ANXA7: variants seen among roughly 807,000 people sequenced by gnomAD.
ANXA7 encodes the protein annexin A7.
Under a neutral mutation model 64.9 loss-of-function variants are expected in ANXA7, and 55 were observed. The ratio of observed to expected loss-of-function variants is 0.85; its 90% CI spans 0.68 to 1.06. The LOEUF (loss-of-function observed/expected upper bound fraction) is 1.06, where lower values mean the gene tolerates loss of function less well. Ranked by LOEUF, ANXA7 falls within the 50% of genes least tolerant of loss-of-function variation. ANXA7 has a pLI of 0.00. For missense variants in ANXA7, 548 were observed against 582.1 expected (o/e 0.94, Z 0.60); for synonymous variants, 200 against 192.4 (o/e 1.04, Z -0.33).
chr10:73,385,531 A>C (rs2055353489), intron 7 of ANXA7, among the ~76,000 whole-genome samples: 1 of 152,218 alleles, frequency 6.6e-6, no homozygotes, highest in African/African-American at 2.4e-5. Context: ...CCTATGATAA[A>C]AGAAAAACAT....
intron 5 of ANXA7, among the ~76,000 whole-genome samples, chr10:73,393,248 AG>A (rs1589655779): frequency 2.0e-5 from 3 of 152,366 alleles, no homozygotes; most frequent in East Asian, 3.9e-4. Flanking sequence ...GCTCATGGAT[AG>A]GAAGAATCAA....
chr10:73,383,962 A>C (rs2055317718), intron 7 of ANXA7, among the ~76,000 whole-genome samples: 1 of 152,000 alleles, frequency 6.6e-6, no homozygotes. Flanking sequence ...TCTACTAAAA[A>C]CACAAAAAAT....
intron 1 of ANXA7, chr10:73,408,180 T>C (rs1053350547): frequency 1.3e-5 from 2 of 151,930 alleles, no homozygotes; most frequent in Non-Finnish European, 2.9e-5. Flanking sequence ...AATTACCCAG[T>C]GCAGCGGCGC....
At chr10:73,388,142 C>T (rs1282853508) in intron 6 of ANXA7, among the ~76,000 whole-genome samples, 170 bp downstream of exon 6, 1 of 152,104 alleles carries the variant, frequency 6.6e-6, no homozygotes, top group Non-Finnish European at 1.5e-5. Flanking sequence ...CCACCACACC[C>T]AGCCTGAGGT....
intron 12 of ANXA7, 66 bp downstream of exon 12, chr10:73,378,845 G>A (rs1271881689): frequency 1.5e-5 from 18 of 1,214,866 alleles, no homozygotes. Flanking sequence ...ACCAACTGGG[G>A]AACTTTTAAG....
At chr10:73,386,392 T>A (rs1426473939) in intron 7 of ANXA7, among the ~76,000 whole-genome samples, 1 of 152,074 alleles carries the variant, frequency 6.6e-6, no homozygotes, top group African/African-American at 2.4e-5. Flanking sequence ...AAGATGACTA[T>A]GACCATGGTT....
chr10:73,391,257 G>T (rs2055478106), intron 5 of ANXA7, among the ~76,000 whole-genome samples: 1 of 151,098 alleles, frequency 6.6e-6, no homozygotes, highest in African/African-American at 2.4e-5. Flanking sequence ...TCTGCTACCA[G>T]AAGTTCCAAC....
At chr10:73,382,482 C>T (rs1483959595) in intron 9 of ANXA7, among the ~76,000 whole-genome samples, 2 of 152,102 alleles carry the variant, frequency 1.3e-5, no homozygotes, top group African/African-American at 2.4e-5. Flanking sequence ...GCTGGCACTA[C>T]AGGCACATAC....
At chr10:73,412,638 C>G (rs985910488) in intron 1 of ANXA7, among the ~76,000 whole-genome samples, 1 of 151,290 alleles carries the variant, frequency 6.6e-6, no homozygotes, top group Non-Finnish European at 1.5e-5. Context: ...GGATTACAGG[C>G]GCGCGCCACC....
chr10:73,396,671 G>T, intron 4 of ANXA7, 88 bp from the exon 5 acceptor site: 1 of 764,802 alleles, frequency 1.3e-6, no homozygotes, highest in Non-Finnish European at 2.1e-6. Flanking sequence ...TATGAATATG[G>T]AAACATACAA....
chr10:73,410,434 C>T (rs781144818), intron 1 of ANXA7, among the ~76,000 whole-genome samples: 19 of 152,002 alleles, frequency 1.2e-4, no homozygotes, highest in Non-Finnish European at 2.5e-4. Context: ...CAGGGAAATG[C>T]AAATTAACCA....
intron 1 of ANXA7, among the ~76,000 whole-genome samples, chr10:73,405,571 T>C (rs886381883): frequency 3.9e-5 from 6 of 152,184 alleles, no homozygotes; most frequent in African/African-American, 1.4e-4. Flanking sequence ...ATACTATTAG[T>C]GATCAGATAT....
chr10:73,397,355 A>G, intron 3 of ANXA7, 81 bp from the exon 4 acceptor site: 1 of 723,748 alleles, frequency 1.4e-6, no homozygotes, highest in Non-Finnish European at 2.2e-6. Context: ...TCTATTGTTA[A>G]CAGTGGAAAA....
intron 5 of ANXA7, among the ~76,000 whole-genome samples, chr10:73,389,524 T>C (rs2071595204): frequency 6.6e-6 from 1 of 152,260 alleles, no homozygotes; most frequent in Admixed American, 6.5e-5. Context: ...GTAAAGGGTA[T>C]ATACAAATTA....
intron 9 of ANXA7, 142 bp from the exon 10 acceptor site, chr10:73,380,343 G>A (rs1483500500): frequency 1.3e-6 from 1 of 794,956 alleles, no homozygotes; most frequent in Non-Finnish European, 1.9e-6. Flanking sequence ...ACTCAGGCTG[G>A]AGTGCAGTAT....
intron 1 of ANXA7, among the ~76,000 whole-genome samples, chr10:73,401,649 G>C (rs1186217909): frequency 6.6e-6 from 1 of 152,146 alleles, no homozygotes; most frequent in Non-Finnish European, 1.5e-5. Context: ...ACAGGCGTCT[G>C]CCACCATGCT....
At chr10:73,390,568 G>A (rs2055454334) in intron 5 of ANXA7, among the ~76,000 whole-genome samples, 1 of 151,754 alleles carries the variant, frequency 6.6e-6, no homozygotes, top group South Asian at 2.1e-4. Flanking sequence ...TTCCTTTGAT[G>A]TAACCGCTGT....
chr10:73,395,947 C>A, intron 5 of ANXA7: 1 of 795,406 alleles, frequency 1.3e-6, no homozygotes, highest in East Asian at 2.5e-5. Flanking sequence ...TACAGGTGAG[C>A]CCTTAAGAAG....
At chr10:73,401,086 T>G (rs902628106) in intron 1 of ANXA7, among the ~76,000 whole-genome samples, 4 of 151,966 alleles carry the variant, frequency 2.6e-5, no homozygotes, top group Non-Finnish European at 5.9e-5. Flanking sequence ...TTATATTTTT[T>G]GTAGAGATGG....
Sources: allele counts gnomAD v4.1 joint callset (sites outside exome capture counted in the v4.1 genomes callset), GRCh38; gene constraint gnomAD v4.1.1; transcripts MANE v1.5; gene names NCBI Gene and HGNC (gene_info 2026-07-23, HGNC 2026-07-21).